The following VPS8 variants were observed in gnomAD, a reference collection of about 807,000 sequenced individuals.
The protein encoded by VPS8 is VPS8 subunit of CORVET complex, also known as vacuolar protein sorting-associated protein 8 homolog.
In VPS8, 129 loss-of-function variants were observed where a neutral mutation model predicts 216.4. The ratio of observed to expected loss-of-function variants is 0.60; its 90% CI spans 0.52 to 0.69. The LOEUF (loss-of-function observed/expected upper bound fraction) is 0.69, where lower values mean the gene tolerates loss of function less well. VPS8 is among the 30% of genes least tolerant of loss of function. VPS8 has a pLI of 0.00. For synonymous variants in VPS8, 571 were observed against 565.4 expected (o/e 1.01, Z -0.14); for missense variants, 1,531 against 1,683.5 (o/e 0.91, Z 1.59).
chr3:184,856,753 T>G (rs1441210596), intron 14 of VPS8, among the ~76,000 whole-genome samples: 1 of 152,214 alleles, frequency 6.6e-6, no homozygotes, highest in African/African-American at 2.4e-5. Context: ...GCCTTTTACA[T>G]ATACTGTTGC....
rs773813333 is a variant in VPS8 at position 184,999,877 on chromosome 3, G to C, written c.4002+16G>C. 6.3e-7 allele frequency: 1 copy of C among 1,591,466 alleles called. No homozygotes were observed. The highest frequency in any genetic ancestry group is 1.4e-5 in the African/African-American group (1 of 74,044). ...CCCATCACAGGTAAGACTTGTTTTC[G>C]TGGCAAAATGGAAATGGTCTTTTCT... is the stretch of plus-strand genomic sequence containing the variant. On this transcript the variant is annotated intron_variant, in intron 45 of 47. Transcript: ENST00000625842.
At chr3:184,885,956 G>T (rs1731139686) in intron 21 of VPS8, 154 bp from the exon 22 acceptor site, 8 of 683,680 alleles carry the variant, frequency 1.2e-5, no homozygotes. Context: ...CTGTTTTTCA[G>T]ACTTTGACAC....
chr3:184,921,765 A>C (rs1738664541), intron 29 of VPS8, among the ~76,000 whole-genome samples: 1 of 152,094 alleles, frequency 6.6e-6, no homozygotes, highest in Non-Finnish European at 1.5e-5. Context: ...GGTTTTCACC[A>C]TGTTGGCCAG....
chr3:184,894,665 T>G, intron 22 of VPS8, 38 bp from the exon 23 acceptor site: 1 of 1,475,560 alleles, frequency 6.8e-7, no homozygotes, highest in South Asian at 1.2e-5. Context: ...ATATTTGGCA[T>G]GTTCCTAAAA....
chr3:184,944,449 CCATGAATT>C, intron 36 of VPS8: 2 of 964,338 alleles, frequency 2.1e-6, no homozygotes, highest in Non-Finnish European at 2.5e-6. Context: ...TTGCTGCTGG[CCATGAATT>C]CTCACAGGAG....
chr3:184,985,464 A>G lies in VPS8; in HGVS notation c.3585+2370A>G, dbSNP rs752827178. Reference sequence around the variant, plus strand: ...CTGAACCCATAAGAGCTCTTATTTAAGAGACAAAAAATGTGCTGATACAAC... The same window carrying G: ...CTGAACCCATAAGAGCTCTTATTTAGGAGACAAAAAATGTGCTGATACAAC... On this transcript the variant is annotated intron_variant, in intron 42 of 47. Transcript: ENST00000625842. Among the ~76,000 whole-genome samples the G allele has an allele frequency of 8.5e-5, 13 of 152,354 alleles. 1 individual carries two copies. The South Asian group carries it at 1.7e-3, about 19-fold the overall frequency.
At chr3:184,845,087 G>A (rs747913490) in intron 8 of VPS8, among the ~76,000 whole-genome samples, 25 of 152,174 alleles carry the variant, frequency 1.6e-4, no homozygotes, top group Non-Finnish European at 3.1e-4. Context: ...TAGATATGCT[G>A]TTAATTTAAT....
intron 35 of VPS8, 97 bp from the exon 36 acceptor site, chr3:184,940,100 G>C (rs1383443227): frequency 2.0e-6 from 1 of 497,792 alleles, no homozygotes; most frequent in Non-Finnish European, 3.4e-6. Context: ...TCAGATATCT[G>C]TGCATAAAGG....
At chr3:184,882,255 A>G (rs1026398423) in intron 21 of VPS8, 3 of 388,770 alleles carry the variant, frequency 7.7e-6, no homozygotes, top group African/African-American at 6.3e-5. Flanking sequence ...CCTCTATTAC[A>G]GTTTTTCTAA....
At chr3:184,829,074 C>T (rs1719429993) in intron 3 of VPS8, among the ~76,000 whole-genome samples, 1 of 152,116 alleles carries the variant, frequency 6.6e-6, no homozygotes, top group Admixed American at 6.5e-5. Flanking sequence ...TGTGAATATA[C>T]CTTTATTCAT....
intron 7 of VPS8, among the ~76,000 whole-genome samples, chr3:184,842,682 G>C (rs773477587): frequency 6.6e-6 from 1 of 152,140 alleles, no homozygotes; most frequent in Non-Finnish European, 1.5e-5. Context: ...TTGATCATAG[G>C]AGAAAGTGTA....
chr3:184,948,235 T>TTA, intron 36 of VPS8, among the ~76,000 whole-genome samples: 1 of 151,772 alleles, frequency 6.6e-6, no homozygotes, highest in South Asian at 2.1e-4. Flanking sequence ...TTTTTTTTTT[T>TTA]AAATCTGCTT....
intron 45 of VPS8, among the ~76,000 whole-genome samples, chr3:185,016,408 T>C (rs1755799137): frequency 6.6e-6 from 1 of 152,224 alleles, no homozygotes; most frequent in Non-Finnish European, 1.5e-5. Context: ...TGTAACACTG[T>C]GAAAATTTTT....
chr3:185,041,457 T>C (rs879780054), intron 46 of VPS8, among the ~76,000 whole-genome samples: 11 of 152,162 alleles, frequency 7.2e-5, no homozygotes, highest in Non-Finnish European at 1.3e-4. Context: ...ATGCCCTCTA[T>C]GGAAGGGAAC....
intron 42 of VPS8, among the ~76,000 whole-genome samples, chr3:184,990,786 A>G (rs1751793364): frequency 6.6e-6 from 1 of 152,210 alleles, no homozygotes; most frequent in Admixed American, 6.5e-5. Flanking sequence ...AGCAGCAGTT[A>G]CTTAGATGCA....
intron 37 of VPS8, among the ~76,000 whole-genome samples, chr3:184,961,785 T>C (rs949540014): frequency 6.6e-6 from 1 of 152,000 alleles, no homozygotes; most frequent in African/African-American, 2.4e-5. Context: ...GTTCTTTTTT[T>C]AGACAGAGTC....
intron 25 of VPS8, among the ~76,000 whole-genome samples, chr3:184,912,175 G>A (rs865887128): frequency 4.6e-4 from 70 of 152,264 alleles, no homozygotes; most frequent in African/African-American, 1.3e-3. Flanking sequence ...AATTTTGAGC[G>A]TTAGCCTTCT....
At chr3:184,956,799 A>G (rs2109470795) in intron 36 of VPS8, among the ~76,000 whole-genome samples, 1 of 152,292 alleles carries the variant, frequency 6.6e-6, no homozygotes, top group South Asian at 2.1e-4. Context: ...GTATTTTAGT[A>G]TTACTCCTTT....
chr3:185,011,940 A>G (rs1755065160), intron 45 of VPS8, among the ~76,000 whole-genome samples: 1 of 152,358 alleles, frequency 6.6e-6, no homozygotes, highest in Admixed American at 6.5e-5. Flanking sequence ...GATTGAACAC[A>G]TGGGGAAACG....
Sources: gnomAD v4.1 joint callset for allele counts (sites outside exome capture counted in the v4.1 genomes callset) on GRCh38, gnomAD v4.1.1 for gene constraint, MANE v1.5 for transcripts, NCBI Gene and HGNC (gene_info 2026-07-23, HGNC 2026-07-21) for gene names.